Variants in MAEL observed in about 807,000 individuals in gnomAD.
The protein encoded by MAEL is maelstrom spermatogenic transposon silencer.
A neutral mutation model predicts 62.0 loss-of-function variants in MAEL; 46 were observed. The observed-to-expected ratio is 0.74, with a 90% confidence interval of 0.59 to 0.95. The LOEUF (loss-of-function observed/expected upper bound fraction) is 0.95. Among genes scored for constraint, MAEL ranks in the 40% least tolerant of loss-of-function variants. The probability of loss-of-function intolerance (pLI) is 0.00; values close to 1 mark genes in which losing one functional copy is unlikely to be tolerated. For synonymous variants in MAEL, 172 were observed against 175.5 expected (o/e 0.98, Z 0.16); for missense variants, 497 against 526.8 (o/e 0.94, Z 0.55).
chr1:166,982,071 A>C (rs1388861668), intron 1 of MAEL, among the ~76,000 whole-genome samples: 1 of 152,204 alleles, frequency 6.6e-6, no homozygotes, highest in Non-Finnish European at 1.5e-5. Flanking sequence ...ATCAATTGAG[A>C]AAGACATTGC....
chr1:167,018,420 G>T (rs919383238), intron 10 of MAEL, among the ~76,000 whole-genome samples: 1 of 151,918 alleles, frequency 6.6e-6, no homozygotes, highest in Admixed American at 6.6e-5. Flanking sequence ...TAAGAGTATG[G>T]GCTCTAGGGT....
In MAEL at chr1:167,005,443, AGACTGAGAAAATATGGTAG is replaced by A; in HGVS notation, c.845+51_845+69del. 3 of 1,522,360 alleles carry A rather than the reference AGACTGAGAAAATATGGTAG, an allele frequency of 2.0e-6. No homozygotes were observed. The Admixed American group carries it at 6.2e-5, about 32-fold the overall frequency. 94.3% of individuals were successfully genotyped at this position (1,522,360 alleles called of 1,614,324 possible). A position where few individuals can be genotyped will look rare whatever the true frequency, so the allele number is the denominator to read the frequency against. ...TTAGAGTCATTTTGACTTATTTTCT[AGACTGAGAAAATATGGTAG>A]GACTATTTTTGCCTTTTTATGCAAT... On this transcript the variant is annotated intron_variant, in intron 8 of 11. Transcript: ENST00000367872.
chr1:166,989,847 A>C lies in MAEL; in HGVS notation c.225+18A>C. 5.6e-6 allele frequency: 9 copies of C among 1,593,164 alleles called. No homozygotes were observed. The highest frequency in any genetic ancestry group is 7.7e-6 in the Non-Finnish European group (9 of 1,166,584). ...AGAAGCAGGTAAAGTTAACGAGAGA[A>C]GAGCCGCCATCTGCCTGGCACATAG... On this transcript the variant is annotated intron_variant, in intron 2 of 11. Transcript: ENST00000367872.
At chr1:167,009,135 T>C (rs535658068) in intron 8 of MAEL, among the ~76,000 whole-genome samples, 52 of 152,292 alleles carry the variant, frequency 3.4e-4, no homozygotes, top group African/African-American at 1.2e-3. Context: ...AGTAATCTCC[T>C]ATTATTACTG....
chr1:166,992,596 A>G (rs996473285), intron 3 of MAEL, 90 bp from the exon 4 acceptor site: 19 of 938,154 alleles, frequency 2.0e-5, no homozygotes, highest in Non-Finnish European at 2.9e-5. Context: ...TTGTTCTAAA[A>G]CATTTTTTCC....
chr1:167,002,317 T>A (rs777504757), intron 5 of MAEL, among the ~76,000 whole-genome samples: 9 of 152,246 alleles, frequency 5.9e-5, no homozygotes, highest in Non-Finnish European at 1.2e-4. Context: ...TTTATGGCTC[T>A]ACAGAAATTA....
rs147630789 is a variant in MAEL, at chr1:167,018,466, T to G, written c.1041+507T>G. Among the ~76,000 whole-genome samples the G allele has an allele frequency of 3.2e-3, 489 of 152,236 alleles. 5 individuals are homozygous for G. Among genetic ancestry groups the G allele is most frequent in the African/African-American group, 0.011 (465 of 41,542 alleles). ...GAATTTTATTTTAGGTTCTGCTACA[T>G]ACAAGTTTTGTGACTTTATGCACAA... is the stretch of plus-strand genomic sequence containing the variant. On this transcript the variant is annotated intron_variant, in intron 10 of 11. Coordinates refer to ENST00000367872, the MANE Select transcript of MAEL (RefSeq NM_032858.3).
chr1:166,977,271 T>C (rs926556044), intron 1 of MAEL, among the ~76,000 whole-genome samples: 9 of 152,216 alleles, frequency 5.9e-5, no homozygotes, highest in Non-Finnish European at 1.0e-4. Context: ...GATTTTTTCA[T>C]GCTATGTACT....
chr1:167,002,995 G>T (rs571392972), intron 5 of MAEL, among the ~76,000 whole-genome samples: 127 of 152,108 alleles, frequency 8.3e-4, no homozygotes, highest in Non-Finnish European at 1.6e-3. Flanking sequence ...TTCATTCACC[G>T]CATTTTTGTC....
At chr1:166,992,898 C>A (rs899722389) in intron 4 of MAEL, 57 bp downstream of exon 4, 3 of 1,366,538 alleles carry the variant, frequency 2.2e-6, no homozygotes, top group Non-Finnish European at 2.9e-6. Context: ...TTTTTTAAAT[C>A]TTGACTTTAT....
At chr1:167,002,647 C>G (rs748363081) in intron 5 of MAEL, among the ~76,000 whole-genome samples, 5 of 152,142 alleles carry the variant, frequency 3.3e-5, no homozygotes, top group Admixed American at 1.3e-4. Context: ...TTTCAGACAT[C>G]ACAAAAGTTA....
intron 8 of MAEL, among the ~76,000 whole-genome samples, chr1:167,014,293 G>A (rs955812696): frequency 2.0e-5 from 3 of 152,200 alleles, no homozygotes; most frequent in African/African-American, 7.2e-5. Flanking sequence ...AGCAATAGTA[G>A]TATTAAGAGA....
chr1:167,017,912 A>G lies in MAEL; in HGVS notation c.994A>G (p.Asn332Asp). Residue 332 changes from asparagine (N) to aspartate (D), a missense_variant, in exon 10 of 12, where the codon AAT (asparagine) becomes GAT (aspartate). Transcript: ENST00000367872. ...HVPLQDYEAS[N>D]SVTPKMVVLD... ...ACCACTACAAGATTATGAGGCCAGC[A>G]ATAGTGTGACACCCAAAATGGTTGT... is the stretch of plus-strand genomic sequence containing the variant. 1 of 1,613,422 alleles carries G rather than the reference A, an allele frequency of 6.2e-7. No homozygotes were observed. Among genetic ancestry groups the G allele is most frequent in the Non-Finnish European group, 8.5e-7 (1 of 1,179,568 alleles).
At chr1:166,991,197 ATATT>A (rs1664158982) in intron 2 of MAEL, among the ~76,000 whole-genome samples, 177 bp from the exon 3 acceptor site, 1 of 152,176 alleles carries the variant, frequency 6.6e-6, no homozygotes, top group Non-Finnish European at 1.5e-5. Flanking sequence ...CTGATTCAGA[ATATT>A]TATAATTTGT....
intron 8 of MAEL, among the ~76,000 whole-genome samples, chr1:167,008,821 C>G (rs1419152301): frequency 1.3e-5 from 2 of 151,996 alleles, no homozygotes; most frequent in African/African-American, 2.4e-5. Context: ...TAAAACAAGG[C>G]TTTTAAATGT....
intron 5 of MAEL, among the ~76,000 whole-genome samples, chr1:166,994,666 A>ATTTT (rs35009494): frequency 1.4e-4 from 17 of 119,608 alleles, no homozygotes; most frequent in African/African-American, 3.7e-4. Context: ...CTGTAAGGTA[A>ATTTT]TTTTTTTTTT....
At position 166,989,395 on chromosome 1, in the gene MAEL, G is replaced by A. The variant is rs1482833682; in HGVS notation, c.43G>A (p.Val15Met). 3 of 1,607,654 alleles carry A rather than the reference G, an allele frequency of 1.9e-6. No homozygotes were observed. Among genetic ancestry groups the A allele is most frequent in the Non-Finnish European group, 8.5e-7 (1 of 1,177,252 alleles). ...CAGCCGGAATGCTTACTATTTCTTCGTGCAGGAGAAGATCCCCGAACTACG... is the reference window on the plus strand; with the variant it reads ...CAGCCGGAATGCTTACTATTTCTTCATGCAGGAGAAGATCCCCGAACTACG... Reference protein sequence around the residue: ...KASRNAYYFFVQEKIPELRRR... With the variant: ...KASRNAYYFFMQEKIPELRRR... Residue 15 changes from valine to methionine, a missense_variant, in exon 1 of 12, where the codon GTG (valine) becomes ATG (methionine). Val to Met is a conservative substitution (Grantham distance 21, BLOSUM62 1). Transcript: ENST00000367872.
intron 5 of MAEL, among the ~76,000 whole-genome samples, chr1:166,995,437 C>T (rs112941965): frequency 0.017 from 2,642 of 152,124 alleles, 42 homozygotes; most frequent in Non-Finnish European, 0.025. Context: ...GGGGGTTTCT[C>T]CATGTTGATC....
intron 1 of MAEL, among the ~76,000 whole-genome samples, chr1:166,983,237 T>C (rs1385082375): frequency 6.6e-6 from 1 of 152,184 alleles, no homozygotes; most frequent in Non-Finnish European, 1.5e-5. Context: ...AACCACTTGC[T>C]ACTGGAATCA....
Sources: allele counts gnomAD v4.1 joint callset (sites outside exome capture counted in the v4.1 genomes callset), GRCh38; gene constraint gnomAD v4.1.1; transcripts MANE v1.5; gene names NCBI Gene and HGNC (gene_info 2026-07-23, HGNC 2026-07-21).